Variants in RAB30 observed in about 807,000 individuals in gnomAD.
RAB30 encodes the protein ras-related protein Rab-30.
RAB30 carries 9 observed loss-of-function variants against 25.1 expected under a neutral mutation model. The observed-to-expected ratio is 0.36, with a 90% CI of 0.22 to 0.63. The LOEUF is 0.63. Among genes scored for constraint, RAB30 ranks in the 20% least tolerant of loss-of-function variants. RAB30 has a pLI of 0.69. For missense variants in RAB30, 140 were observed against 243.5 expected (o/e 0.58, Z 2.83); for synonymous variants, 77 against 86.4 (o/e 0.89, Z 0.60).
intron 1 of RAB30, among the ~76,000 whole-genome samples, chr11:83,051,312 T>C (rs979212190): frequency 1.3e-5 from 2 of 152,206 alleles, no homozygotes; most frequent in Non-Finnish European, 2.9e-5. Context: ...TCATTTTTAT[T>C]GAGCCACTGA....
intron 1 of RAB30, among the ~76,000 whole-genome samples, chr11:83,008,866 T>C (rs1159865569): frequency 2.6e-5 from 4 of 152,098 alleles, no homozygotes; most frequent in African/African-American, 9.7e-5. Flanking sequence ...CGAAGTGTTT[T>C]CCCAAAAGTG....
intron 1 of RAB30, among the ~76,000 whole-genome samples, chr11:83,042,055 T>C (rs1168924601): frequency 6.6e-6 from 1 of 151,494 alleles, no homozygotes; most frequent in African/African-American, 2.4e-5. Context: ...AAAATTAGTT[T>C]TTAACTTAGA....
intron 1 of RAB30, among the ~76,000 whole-genome samples, chr11:83,036,803 A>G (rs1363598028): frequency 6.6e-6 from 1 of 152,210 alleles, no homozygotes; most frequent in Non-Finnish European, 1.5e-5. Flanking sequence ...CAGGCAATAG[A>G]TACAAGAAGT....
At chr11:83,048,824 C>T (rs1858289474) in intron 1 of RAB30, among the ~76,000 whole-genome samples, 1 of 152,212 alleles carries the variant, frequency 6.6e-6, no homozygotes, top group Admixed American at 6.5e-5. Context: ...CAGCCCCAAA[C>T]AGCCTCACCC....
chr11:82,991,007 T>C (rs910928284), intron 3 of RAB30, among the ~76,000 whole-genome samples: 7 of 152,022 alleles, frequency 4.6e-5, no homozygotes, highest in Non-Finnish European at 1.0e-4. Flanking sequence ...CTGGGAGCCA[T>C]CCTGGAAAAA....
At chr11:83,068,051 G>T (rs1181123954) in intron 1 of RAB30, among the ~76,000 whole-genome samples, 1 of 151,172 alleles carries the variant, frequency 6.6e-6, no homozygotes, top group East Asian at 1.9e-4. Context: ...CTTGAATCCA[G>T]AGATGGAGGC....
chr11:83,051,122 T>C (rs1001301611), intron 1 of RAB30, among the ~76,000 whole-genome samples: 1 of 152,170 alleles, frequency 6.6e-6, no homozygotes, highest in Non-Finnish European at 1.5e-5. Context: ...CTTTCAGACC[T>C]GGCCCATGGA....
intron 1 of RAB30, among the ~76,000 whole-genome samples, chr11:83,062,051 G>C (rs970012609): frequency 1.3e-5 from 2 of 151,948 alleles, no homozygotes; most frequent in African/African-American, 4.8e-5. Flanking sequence ...GCCACCAGAC[G>C]GTCCTGGCTT....
At chr11:83,035,680 C>A (rs1012666031) in intron 1 of RAB30, 1 of 152,264 alleles carries the variant, frequency 6.6e-6, no homozygotes, top group African/African-American at 2.4e-5. Flanking sequence ...GACAACCAGA[C>A]TGGGCCACAC....
At chr11:83,050,393 C>T (rs1031025957) in intron 1 of RAB30, among the ~76,000 whole-genome samples, 1 of 152,212 alleles carries the variant, frequency 6.6e-6, no homozygotes, top group Non-Finnish European at 1.5e-5. Flanking sequence ...CCATCATATT[C>T]CTTCTTGAGC....
At chr11:82,988,044 T>TA (rs1025690582) in intron 3 of RAB30, among the ~76,000 whole-genome samples, 2 of 151,834 alleles carry the variant, frequency 1.3e-5, no homozygotes, top group Admixed American at 6.6e-5. Flanking sequence ...TTTTCATTCT[T>TA]AAAAAAATAC....
At position 82,978,300 on chromosome 11, in the gene RAB30, A is replaced by G. The variant is rs1191267751; in HGVS notation, c.*3865T>C. On this transcript the variant is annotated 3_prime_UTR_variant, in exon 5 of 5. Coordinates refer to ENST00000527633, the MANE Select transcript of RAB30 (RefSeq NM_001286060.2). ...GAGCAATGATCCCTAAGTACTCATT[A>G]CTATGAAATACAGAGTTCTACAAGA... 1.3e-5 allele frequency: 2 copies of G among 152,194 alleles called. No homozygotes were observed. The highest frequency in any genetic ancestry group is 1.5e-5 in the Non-Finnish European group (1 of 68,030). The allele number at this position is 152,194 out of a possible 1,614,324, so 9.4% of individuals were successfully genotyped here.
rs1444092717 is a variant in RAB30 at position 82,976,521 on chromosome 11, C to T, written c.*5644G>A. 3 of 152,112 alleles carry T rather than the reference C, an allele frequency of 2.0e-5. No individual in the cohort carries two copies. Among genetic ancestry groups the T allele is most frequent in the Admixed American group, 6.6e-5 (1 of 15,260 alleles). The allele number at this position is 152,112 out of a possible 1,614,324, so 9.4% of individuals were successfully genotyped here. A position where few individuals can be genotyped will look rare whatever the true frequency, so the allele number is the denominator to read the frequency against. ...CAAAGTCAGCAACCACCACCGATTCCGTCAGGAACTAGAACACAGCATCTC... is the reference window on the plus strand; with the variant it reads ...CAAAGTCAGCAACCACCACCGATTCTGTCAGGAACTAGAACACAGCATCTC... On this transcript the variant is annotated 3_prime_UTR_variant, in exon 5 of 5. Coordinates refer to ENST00000527633, the MANE Select transcript of RAB30 (RefSeq NM_001286060.2).
intron 1 of RAB30, among the ~76,000 whole-genome samples, chr11:83,012,461 A>C (rs1467448708): frequency 6.6e-6 from 1 of 152,196 alleles, no homozygotes; most frequent in Non-Finnish European, 1.5e-5. Context: ...CTGAATCCTC[A>C]GACTGCTCTT....
intron 1 of RAB30, among the ~76,000 whole-genome samples, chr11:83,000,908 G>A (rs1242990961): frequency 4.6e-5 from 7 of 151,586 alleles, no homozygotes; most frequent in Admixed American, 1.3e-4. Flanking sequence ...TTAGCCGGGC[G>A]CAGTGGCGGG....
intron 1 of RAB30, among the ~76,000 whole-genome samples, chr11:83,045,353 A>C (rs1449921353): frequency 6.6e-6 from 1 of 151,888 alleles, no homozygotes; most frequent in Non-Finnish European, 1.5e-5. Context: ...CTGGTCTCGA[A>C]CTCCTGAGCT....
intron 1 of RAB30, among the ~76,000 whole-genome samples, chr11:83,000,879 A>G (rs888837247): frequency 1.4e-4 from 4 of 27,896 alleles, no homozygotes; most frequent in African/African-American, 9.2e-4. Flanking sequence ...GTCTCTACTA[A>G]AAAAAAAAAT....
At chr11:82,999,258 T>G (rs1000285992) in intron 1 of RAB30, among the ~76,000 whole-genome samples, 1 of 152,146 alleles carries the variant, frequency 6.6e-6, no homozygotes, top group Non-Finnish European at 1.5e-5. Context: ...TAAAGGAAAT[T>G]AAGAGGGTGG....
intron 1 of RAB30, chr11:83,041,253 G>T: frequency 5.9e-6 from 1 of 170,342 alleles, no homozygotes; most frequent in Non-Finnish European, 1.3e-5. Flanking sequence ...TTCAGATGTG[G>T]ATCTTCTGGT....
Sources: allele counts gnomAD v4.1 joint callset (sites outside exome capture counted in the v4.1 genomes callset), GRCh38; gene constraint gnomAD v4.1.1; transcripts MANE v1.5; gene names NCBI Gene and HGNC (gene_info 2026-07-23, HGNC 2026-07-21).